The following CCDC148 variants were observed in gnomAD, a reference collection of about 807,000 sequenced individuals.
CCDC148 encodes the protein coiled-coil domain-containing protein 148.
A neutral mutation model predicts 85.7 loss-of-function variants in CCDC148; 89 were observed. The ratio of observed to expected loss-of-function variants is 1.04; its 90% confidence interval spans 0.87 to 1.24. The LOEUF (loss-of-function observed/expected upper bound fraction) is 1.24. Among genes scored for constraint, CCDC148 ranks in the 50% most tolerant of loss-of-function variants. The pLI, the probability that CCDC148 is intolerant of heterozygous loss-of-function variation, is 0.00. For missense variants in CCDC148, 692 were observed against 671.7 expected (o/e 1.03, Z -0.33); for synonymous variants, 230 against 213.9 (o/e 1.08, Z -0.66).
chr2:158,253,095 C>T (rs1688862520), intron 9 of CCDC148, among the ~76,000 whole-genome samples: 2 of 151,618 alleles, frequency 1.3e-5, no homozygotes, highest in African/African-American at 4.8e-5. Flanking sequence ...CTTGGAAGCT[C>T]ATACATTTCT....
chr2:158,354,909 C>T (rs1434075915), intron 2 of CCDC148, among the ~76,000 whole-genome samples: 2 of 151,850 alleles, frequency 1.3e-5, no homozygotes, highest in South Asian at 4.2e-4. Flanking sequence ...CCCTGGGATG[C>T]AAGGCTGGTT....
Position 158,178,938 on chromosome 2 carries a change from G to A in CCDC148, c.1429C>T (p.Leu477Phe). ...RRLMEKKEVA[L>F]QEAHEDKERA... Reference sequence around the variant, plus strand: ...TCTTTGTCTTCATGAGCTTCTTGAAGGGCCACTTCCTTTTTCTCCATCAAA... The same window carrying A: ...TCTTTGTCTTCATGAGCTTCTTGAAAGGCCACTTCCTTTTTCTCCATCAAA... Residue 477 changes from leucine (L) to phenylalanine (F), a missense_variant, in exon 12 of 14, where the codon CTT becomes TTT. Transcript: ENST00000283233. 1 of 1,613,544 alleles carries A rather than the reference G, an allele frequency of 6.2e-7. No individual in the cohort carries two copies. The highest frequency in any genetic ancestry group is 8.5e-7 in the Non-Finnish European group (1 of 1,179,766).
intron 9 of CCDC148, among the ~76,000 whole-genome samples, chr2:158,289,464 A>C (rs1690787444): frequency 6.6e-6 from 1 of 152,250 alleles, no homozygotes; most frequent in African/African-American, 2.4e-5. Context: ...ATAGCCATTA[A>C]ACATGCTGAA....
chr2:158,430,844 G>T (rs751501459), intron 1 of CCDC148, among the ~76,000 whole-genome samples: 7 of 151,980 alleles, frequency 4.6e-5, no homozygotes, highest in South Asian at 2.1e-4. Flanking sequence ...TAAGTGTTAT[G>T]AGTATGCTCC....
chr2:158,226,730 A>G (rs1687553264), intron 10 of CCDC148, among the ~76,000 whole-genome samples: 1 of 152,190 alleles, frequency 6.6e-6, no homozygotes, highest in Non-Finnish European at 1.5e-5. Flanking sequence ...ATAGATGCAG[A>G]AAAGGCCTTT....
At chr2:158,331,938 G>A (rs1693151549) in intron 7 of CCDC148, among the ~76,000 whole-genome samples, 1 of 152,066 alleles carries the variant, frequency 6.6e-6, no homozygotes, top group Non-Finnish European at 1.5e-5. Flanking sequence ...ACAGCACACT[G>A]ATGGGTCTTG....
At position 158,172,148 on chromosome 2, in the gene CCDC148, T is replaced by C. The variant is rs138164068; in HGVS notation, c.1741A>G (p.Arg581Gly). Reference sequence around the variant, plus strand: ...AATACAGTAGACTCCATGTCCTTTCTTGGAGGTTTTTGAGGACTAATTTTT... The same window carrying C: ...AATACAGTAGACTCCATGTCCTTTCCTGGAGGTTTTTGAGGACTAATTTTT... ...LPKISPQKPP[R>G]KDMESTVFKI Residue 581 changes from arginine to glycine, a missense_variant, in exon 14 of 14, where the codon AGA becomes GGA. Coordinates refer to ENST00000283233, the MANE Select transcript of CCDC148 (RefSeq NM_138803.4). The C allele has an allele frequency of 1.2e-6, 2 of 1,609,518 alleles. No homozygotes were observed. Among genetic ancestry groups the C allele is most frequent in the African/African-American group, 2.7e-5 (2 of 74,746 alleles).
chr2:158,280,057 T>G (rs1308200340), intron 9 of CCDC148, among the ~76,000 whole-genome samples: 2 of 151,676 alleles, frequency 1.3e-5, no homozygotes, highest in African/African-American at 2.4e-5. Context: ...AATAAAATCC[T>G]TTACAGACAA....
intron 7 of CCDC148, among the ~76,000 whole-genome samples, chr2:158,331,862 G>T (rs1025228718): frequency 3.3e-5 from 5 of 152,156 alleles, no homozygotes; most frequent in Admixed American, 2.6e-4. Context: ...TTGCTTGGTA[G>T]ATCTTCCTCT....
intron 9 of CCDC148, among the ~76,000 whole-genome samples, chr2:158,261,723 AAAG>A: frequency 6.6e-6 from 1 of 152,284 alleles, no homozygotes; most frequent in East Asian, 1.9e-4. Flanking sequence ...ATACTTTTCA[AAAG>A]AAGACATATA....
intron 1 of CCDC148, among the ~76,000 whole-genome samples, chr2:158,384,611 G>T (rs1039297416): frequency 6.6e-6 from 1 of 152,036 alleles, no homozygotes; most frequent in African/African-American, 2.4e-5. Flanking sequence ...CATGTTTTCT[G>T]TACAGCATGT....
At chr2:158,227,388 A>G (rs1319955050) in intron 10 of CCDC148, among the ~76,000 whole-genome samples, 1 of 152,062 alleles carries the variant, frequency 6.6e-6, no homozygotes, top group African/African-American at 2.4e-5. Flanking sequence ...TGCCCAAGGT[A>G]ATTTATAGAT....
At chr2:158,256,899 G>C (rs1689035045) in intron 9 of CCDC148, among the ~76,000 whole-genome samples, 1 of 151,702 alleles carries the variant, frequency 6.6e-6, no homozygotes, top group African/African-American at 2.4e-5. Context: ...AATGACCCAA[G>C]GGACTGCAAA....
At chr2:158,355,077 T>C (rs1433088903) in intron 2 of CCDC148, among the ~76,000 whole-genome samples, 1 of 151,278 alleles carries the variant, frequency 6.6e-6, no homozygotes. Context: ...TGGGACGTAT[T>C]TCAAAATAAT....
At chr2:158,290,311 T>C (rs756160454) in intron 9 of CCDC148, among the ~76,000 whole-genome samples, 3 of 152,214 alleles carry the variant, frequency 2.0e-5, no homozygotes, top group Admixed American at 1.3e-4. Context: ...TTTCATCCCA[T>C]GGTCTCTAAC....
chr2:158,235,317 A>C (rs1688053139), intron 10 of CCDC148, among the ~76,000 whole-genome samples: 2 of 152,204 alleles, frequency 1.3e-5, no homozygotes, highest in Admixed American at 1.3e-4. Context: ...AAATGACAAG[A>C]ATCCTACATA....
intron 7 of CCDC148, among the ~76,000 whole-genome samples, chr2:158,315,466 G>C (rs904284797): frequency 6.6e-6 from 1 of 151,338 alleles, no homozygotes; most frequent in Non-Finnish European, 1.5e-5. Flanking sequence ...TTTGTAAAAT[G>C]TTTTTTTAAT....
chr2:158,418,444 G>C (rs1050078232), intron 1 of CCDC148, among the ~76,000 whole-genome samples: 1 of 152,174 alleles, frequency 6.6e-6, no homozygotes, highest in Non-Finnish European at 1.5e-5. Flanking sequence ...GCTGGCCTCT[G>C]CCTCCTCTTC....
chr2:158,338,923 T>C lies in CCDC148; in HGVS notation c.583-16A>G, dbSNP rs1682529805. 1 of 1,600,920 alleles carries C rather than the reference T, an allele frequency of 6.2e-7. No individual in the cohort carries two copies. The highest frequency in any genetic ancestry group is 8.5e-7 in the Non-Finnish European group (1 of 1,175,064). On this transcript the variant is annotated splice_polypyrimidine_tract_variant and intron_variant, in intron 6 of 13. Transcript: ENST00000283233. ...GATCTAGAATCTGAAAAAAAGTATA[T>C]GATTATTTTATTTAACATAAACGAC... is the stretch of plus-strand genomic sequence containing the variant.
Sources: allele counts gnomAD v4.1 joint callset (sites outside exome capture counted in the v4.1 genomes callset), GRCh38; gene constraint gnomAD v4.1.1; transcripts MANE v1.5; gene names NCBI Gene and HGNC (gene_info 2026-07-23, HGNC 2026-07-21).